The following FOXJ3 variants were observed in gnomAD, a reference collection of about 807,000 sequenced individuals.
FOXJ3 encodes forkhead box protein J3.
A neutral mutation model predicts 76.1 loss-of-function variants in FOXJ3; 22 were observed. The ratio of observed to expected loss-of-function variants is 0.29; its 90% CI spans 0.21 to 0.41. The LOEUF (loss-of-function observed/expected upper bound fraction) is 0.41. Among genes scored for constraint, FOXJ3 ranks in the 10% least tolerant of loss-of-function variants. The probability of loss-of-function intolerance (pLI) is 1.00; values close to 1 mark genes in which losing one functional copy is unlikely to be tolerated. For missense variants in FOXJ3, 613 were observed against 762.1 expected, an observed-to-expected ratio of 0.80 and a Z score of 2.30; for synonymous variants, 269 against 261.2, an observed-to-expected ratio of 1.03 and a Z score of -0.29.
Position 42,199,187 on chromosome 1 carries a change from C to T in FOXJ3, c.674G>A (p.Arg225His), listed in dbSNP as rs146466322. Residue 225 changes from arginine to histidine, a missense_variant, in exon 7 of 13, where the codon CGC becomes CAC. Arg to His is a conservative substitution (Grantham distance 29, BLOSUM62 0). Around this residue, in one of 3 missense-constraint regions of FOXJ3, gnomAD observed 526 missense variants for 601.4 expected, o/e 0.87. Transcript: ENST00000361346. ...TGAGAGACTGTTGTTAAGGCTACTG[C>T]GTGGGCTATCACTACCATCCTGATC... Reference protein sequence around the residue: ...NTDQDGSDSPRSSLNNSLSDQ... With the variant: ...NTDQDGSDSPHSSLNNSLSDQ... 19 of 1,612,520 alleles carry T rather than the reference C, an allele frequency of 1.2e-5. No homozygotes were observed. The highest frequency in any genetic ancestry group is 1.1e-4 in the South Asian group (10 of 91,056).
intron 11 of FOXJ3, among the ~76,000 whole-genome samples, chr1:42,182,374 G>A (rs897308213): frequency 9.9e-5 from 15 of 152,144 alleles, no homozygotes; most frequent in African/African-American, 3.6e-4. Flanking sequence ...CCCAAAGGAG[G>A]GTAAGACAGG....
intron 1 of FOXJ3, among the ~76,000 whole-genome samples, chr1:42,328,104 G>A (rs950468683): frequency 1.3e-5 from 2 of 152,158 alleles, no homozygotes; most frequent in Admixed American, 1.3e-4. Context: ...CCAGCCTAGG[G>A]AGCCAGCATA....
chr1:42,278,296 A>G, intron 3 of FOXJ3, 52 bp downstream of exon 3: 1 of 1,230,542 alleles, frequency 8.1e-7, no homozygotes, highest in African/African-American at 1.5e-5. Context: ...TTCAGTAGAA[A>G]TCAACATCAT....
At chr1:42,291,079 T>TAGACAGACAGGC (rs56772390) in intron 2 of FOXJ3, among the ~76,000 whole-genome samples, 2 of 125,564 alleles carry the variant, frequency 1.6e-5, no homozygotes, top group Admixed American at 8.5e-5. Context: ...GATAGATAGA[T>TAGACAGACAGGC]AGATAGACAG....
rs190621364 is a variant in FOXJ3, at chr1:42,303,663, A to G, written c.44+7387T>C. ...AGGCATCTTTAAGGAAGAAGCGTTA[A>G]CAAAAATGAGTGATAAAAAGGGATA... On this transcript the variant is annotated intron_variant, in intron 2 of 12. Coordinates refer to ENST00000361346, the MANE Select transcript of FOXJ3 (RefSeq NM_014947.5). Among the ~76,000 whole-genome samples the G allele has an allele frequency of 2.0e-5, 3 of 152,382 alleles. No homozygotes were observed. In the East Asian group the frequency reaches 5.8e-4, roughly 29 times the overall value.
intron 1 of FOXJ3, among the ~76,000 whole-genome samples, chr1:42,330,592 C>A (rs1656100217): frequency 6.6e-6 from 1 of 152,068 alleles, no homozygotes; most frequent in African/African-American, 2.4e-5. Flanking sequence ...GAGCCATGAT[C>A]GTGCCACTGC....
chr1:42,312,981 G>T (rs1654898174), intron 1 of FOXJ3, among the ~76,000 whole-genome samples: 1 of 152,176 alleles, frequency 6.6e-6, no homozygotes, highest in African/African-American at 2.4e-5. Context: ...AGCAGTGCAA[G>T]GGTGTCTTCC....
At chr1:42,242,010 C>T (rs1184722365) in intron 4 of FOXJ3, among the ~76,000 whole-genome samples, 2 of 152,082 alleles carry the variant, frequency 1.3e-5, no homozygotes, top group Admixed American at 6.5e-5. Flanking sequence ...TCACTGATGC[C>T]ATTTACAACT....
At chr1:42,303,923 A>G (rs1654308727) in intron 2 of FOXJ3, among the ~76,000 whole-genome samples, 1 of 152,238 alleles carries the variant, frequency 6.6e-6, no homozygotes, top group Non-Finnish European at 1.5e-5. Context: ...TCCTAGCTCA[A>G]GTAATCGGAC....
At chr1:42,197,908 G>T (rs1311878977) in intron 7 of FOXJ3, among the ~76,000 whole-genome samples, 4 of 151,976 alleles carry the variant, frequency 2.6e-5, no homozygotes, top group Non-Finnish European at 5.9e-5. Flanking sequence ...AAAGTACTGG[G>T]ATTACAGGTA....
At chr1:42,283,430 C>A (rs1186600129) in intron 2 of FOXJ3, among the ~76,000 whole-genome samples, 13 of 152,144 alleles carry the variant, frequency 8.5e-5, no homozygotes, top group Admixed American at 8.5e-4. Flanking sequence ...TACTTTAGTA[C>A]ACTGCGTGGC....
intron 2 of FOXJ3, among the ~76,000 whole-genome samples, chr1:42,298,082 G>GT (rs1304069789): frequency 6.6e-6 from 1 of 152,070 alleles, no homozygotes; most frequent in Non-Finnish European, 1.5e-5. Flanking sequence ...TCTCTTGATA[G>GT]TAAGTTCTCA....
At chr1:42,217,261 TG>T (rs1293867613) in intron 5 of FOXJ3, among the ~76,000 whole-genome samples, 2 of 152,216 alleles carry the variant, frequency 1.3e-5, no homozygotes, top group Non-Finnish European at 2.9e-5. Context: ...CTGGGTGCAG[TG>T]GCTCACTCCT....
At chr1:42,285,689 T>A (rs1175426490) in intron 2 of FOXJ3, among the ~76,000 whole-genome samples, 1 of 148,930 alleles carries the variant, frequency 6.7e-6, no homozygotes, top group Non-Finnish European at 1.5e-5. Flanking sequence ...TGAAAGACCA[T>A]AAAGGACAAT....
intron 2 of FOXJ3, among the ~76,000 whole-genome samples, chr1:42,292,137 A>G (rs1653479100): frequency 6.6e-6 from 1 of 152,190 alleles, no homozygotes; most frequent in African/African-American, 2.4e-5. Flanking sequence ...GATTCATAAG[A>G]AAAGATGCTA....
At chr1:42,190,261 G>A (rs964101940) in intron 9 of FOXJ3, among the ~76,000 whole-genome samples, 3 of 152,138 alleles carry the variant, frequency 2.0e-5, no homozygotes, top group African/African-American at 4.8e-5. Context: ...GACCTCCCCC[G>A]GATGGATGAA....
intron 1 of FOXJ3, chr1:42,333,994 T>G: frequency 5.6e-6 from 1 of 178,966 alleles, no homozygotes; most frequent in Non-Finnish European, 1.1e-5. Flanking sequence ...TCTAACTCCT[T>G]CAGGAATTAG....
intron 4 of FOXJ3, among the ~76,000 whole-genome samples, chr1:42,237,062 T>C: frequency 1.3e-5 from 2 of 152,086 alleles, no homozygotes; most frequent in East Asian, 3.9e-4. Context: ...GCCCATGTTT[T>C]ATTTGGATTA....
chr1:42,243,777 T>A (rs1649331442), intron 4 of FOXJ3, among the ~76,000 whole-genome samples: 1 of 151,940 alleles, frequency 6.6e-6, no homozygotes, highest in African/African-American at 2.4e-5. Context: ...ATAACAAGTA[T>A]CAAACAAAGA....
Sources: allele counts gnomAD v4.1 joint callset (sites outside exome capture counted in the v4.1 genomes callset), GRCh38; gene constraint gnomAD v4.1.1; regional missense constraint gnomAD v4.1.1; transcripts MANE v1.5; gene names NCBI Gene and HGNC (gene_info 2026-07-23, HGNC 2026-07-21).